COMMD9: variants seen among roughly 807,000 people sequenced by gnomAD.
COMMD9 encodes the protein COMM domain containing 9.
Under a neutral mutation model 23.4 loss-of-function variants are expected in COMMD9, and 22 were observed. The ratio of observed to expected loss-of-function variants is 0.94; its 90% CI spans 0.67 to 1.34. The LOEUF is 1.34. Ranked by LOEUF, COMMD9 falls within the 40% of genes most tolerant of loss-of-function variation. COMMD9 has a pLI of 0.00. For missense variants in COMMD9, 231 were observed against 240.2 expected, an observed-to-expected ratio of 0.96 and a Z score of 0.25; for synonymous variants, 99 against 97.4, an observed-to-expected ratio of 1.02 and a Z score of -0.10.
At position 36,275,722 on chromosome 11, in the gene COMMD9, G is replaced by A. The variant is rs143764317; in HGVS notation, c.456+415C>T. On this transcript the variant is annotated intron_variant, in intron 5 of 5. Transcript: ENST00000263401. ...CTCCCAAAGTGCTGGGATTACAGGC[G>A]TAAGCCACTGCTCCCAGCGACTAGT... is the stretch of plus-strand genomic sequence containing the variant. 1.5e-3 allele frequency among the ~76,000 whole-genome samples: 228 copies of A among 152,314 alleles called. 2 individuals carry two copies. Among genetic ancestry groups the A allele is most frequent in the African/African-American group, 5.0e-3 (208 of 41,574 alleles).
At chr11:36,277,005 C>T (rs2289986) in intron 4 of COMMD9, 84 bp downstream of exon 4, 727,688 of 1,272,086 alleles carry the variant, frequency 0.57, 211,630 homozygotes, top group African/African-American at 0.77. Flanking sequence ...TTGGTTTCTG[C>T]CAAAATCTCT....
chr11:36,288,849 T>C (rs2133439296), intron 1 of COMMD9, among the ~76,000 whole-genome samples: 1 of 152,284 alleles, frequency 6.6e-6, no homozygotes, highest in African/African-American at 2.4e-5. Context: ...ATGAAGTAGG[T>C]CCCTTTCAAC....
chr11:36,281,339 C>A (rs1379964370), intron 1 of COMMD9, among the ~76,000 whole-genome samples: 2 of 152,206 alleles, frequency 1.3e-5, no homozygotes, highest in Non-Finnish European at 2.9e-5. Context: ...ACTGCAGCCC[C>A]ACCCACCTCT....
chr11:36,274,805 CTGCCTCTTTTCCCATATCCCTGTAAG>C, intron 5 of COMMD9, 33 bp from the exon 6 acceptor site: 1 of 1,612,768 alleles, frequency 6.2e-7, no homozygotes, highest in Non-Finnish European at 8.5e-7. Flanking sequence ...AAAGTCAAAG[CTGCCTCTTTTCCCATATCCCTGTAAG>C]TGAGCCCTGA....
intron 3 of COMMD9, among the ~76,000 whole-genome samples, chr11:36,277,881 C>T (rs1272946706): frequency 6.6e-6 from 1 of 152,130 alleles, no homozygotes; most frequent in Non-Finnish European, 1.5e-5. Context: ...GAGAGGGGTA[C>T]ACTTGTATCC....
chr11:36,282,851 CTCAG>C (rs1402882826), intron 1 of COMMD9, among the ~76,000 whole-genome samples: 1 of 152,184 alleles, frequency 6.6e-6, no homozygotes, highest in African/African-American at 2.4e-5. Flanking sequence ...GGCAGCTTGG[CTCAG>C]TCAAAGTCTG....
intron 1 of COMMD9, among the ~76,000 whole-genome samples, chr11:36,283,706 G>T (rs1007428074): frequency 1.3e-5 from 2 of 152,126 alleles, no homozygotes; most frequent in Non-Finnish European, 2.9e-5. Context: ...TAGACTTAAC[G>T]CCCTAACATA....
intron 1 of COMMD9, among the ~76,000 whole-genome samples, chr11:36,283,101 A>G (rs74874664): frequency 0.071 from 10,804 of 152,252 alleles, 435 homozygotes; most frequent in South Asian, 0.1. Flanking sequence ...TCCCCAGCCA[A>G]TGGGATGGTA....
rs777955469 is a variant in COMMD9 at position 36,280,829 on chromosome 11, C to A, written c.60G>T (p.Ser20=). ...AALQSLLKAS[S]KDVVRQLCQE... ...GACACAGCTGTCTGACAACATCTTT[C>A]GAGGAGGCCTATGAATTAAATCACA... The change falls in exon 2 of 6, where the codon TCG becomes TCT. Residue 20 remains serine (S), a synonymous_variant. Coordinates refer to ENST00000263401, the MANE Select transcript of COMMD9 (RefSeq NM_014186.4). 33 of 1,576,008 alleles carry A rather than the reference C, an allele frequency of 2.1e-5. No homozygotes were observed. The highest frequency in any genetic ancestry group is 1.4e-5 in the Non-Finnish European group (16 of 1,161,320).
At chr11:36,286,514 C>T (rs557401639) in intron 1 of COMMD9, among the ~76,000 whole-genome samples, 154 of 151,480 alleles carry the variant, frequency 1.0e-3, no homozygotes, top group Non-Finnish European at 1.7e-3. Context: ...CATGAGAATC[C>T]CTTGAACCCA....
chr11:36,278,230 C>CAA lies in COMMD9; in HGVS notation c.317+245_317+246dup, dbSNP rs1230002905. The CAA allele has an allele frequency of 2.0e-5, 8 of 395,692 alleles. No homozygotes were observed. The East Asian group carries it at 4.4e-4, about 22-fold the overall frequency. The allele number at this position is 395,692 out of a possible 1,614,324, so 24.5% of individuals were successfully genotyped here. ...AACAGCATGATCCATTTTGTAAAAA[C>CAA]AAAAACAAAACATCAACCTCTTACA... On this transcript the variant is annotated intron_variant, in intron 3 of 5. Transcript: ENST00000263401.
chr11:36,274,247 T>C lies in COMMD9; in HGVS notation c.*385A>G, dbSNP rs1015225759. ...GTTCTGGGATTGGAAATGAACTAATTAGAGCTAATGTTGGAAATAAACTTA... is the reference window on the plus strand; with the variant it reads ...GTTCTGGGATTGGAAATGAACTAATCAGAGCTAATGTTGGAAATAAACTTA... On this transcript the variant is annotated 3_prime_UTR_variant, in exon 6 of 6. Coordinates refer to ENST00000263401, the MANE Select transcript of COMMD9 (RefSeq NM_014186.4). The C allele has an allele frequency of 2.1e-6, 1 of 466,422 alleles. No homozygotes were observed. The highest frequency in any genetic ancestry group is 4.3e-6 in the Non-Finnish European group (1 of 234,164). The allele number at this position is 466,422 out of a possible 1,614,324, so 28.9% of individuals were successfully genotyped here. A position where few individuals can be genotyped will look rare whatever the true frequency, so the allele number is the denominator to read the frequency against.
chr11:36,273,225 A>C lies in COMMD9; in HGVS notation c.*1407T>G, dbSNP rs1855907034. The C allele has an allele frequency of 6.6e-6, 1 of 152,082 alleles. No individual in the cohort carries two copies. Among genetic ancestry groups the C allele is most frequent in the African/African-American group, 2.4e-5 (1 of 41,384 alleles). 9.4% of individuals were successfully genotyped at this position (152,082 alleles called of 1,614,324 possible). A position where few individuals can be genotyped will look rare whatever the true frequency, so the allele number is the denominator to read the frequency against. On this transcript the variant is annotated 3_prime_UTR_variant, in exon 6 of 6. Coordinates refer to ENST00000263401, the MANE Select transcript of COMMD9 (RefSeq NM_014186.4). Reference sequence around the variant, plus strand: ...GCCTGACTCCTGACAGCATATTCTTAATCTGTGGATTTACCTCCTCCATTC... The same window carrying C: ...GCCTGACTCCTGACAGCATATTCTTCATCTGTGGATTTACCTCCTCCATTC...
rs1002669946 is a variant in COMMD9, at chr11:36,274,568, A to G, written c.*64T>C. 6.9e-6 allele frequency: 11 copies of G among 1,600,846 alleles called. No homozygotes were observed. The African/African-American group carries it at 1.5e-4, about 21-fold the overall frequency. Reference sequence around the variant, plus strand: ...CTGCAGCTGCAAGGGCAGCCTGCATATGGGGAGACATTTATCACTCATGAG... The same window carrying G: ...CTGCAGCTGCAAGGGCAGCCTGCATGTGGGGAGACATTTATCACTCATGAG... On this transcript the variant is annotated 3_prime_UTR_variant, in exon 6 of 6. Transcript: ENST00000263401.
chr11:36,279,564 A>G (rs969959560), intron 2 of COMMD9, among the ~76,000 whole-genome samples: 5 of 152,162 alleles, frequency 3.3e-5, no homozygotes, highest in Non-Finnish European at 7.3e-5. Context: ...AACAATTCTG[A>G]GAGGTGTTCT....
Position 36,278,529 on chromosome 11 carries a change from T to C in COMMD9, c.265A>G (p.Asn89Asp), listed in dbSNP as rs746080058. The C allele has an allele frequency of 3.1e-6, 5 of 1,614,048 alleles. No homozygotes were observed. The African/African-American group carries it at 4.0e-5, about 13-fold the overall frequency. The change falls in exon 3 of 6, where the codon AAT becomes GAT. Residue 89 changes from asparagine to aspartate, a missense_variant. Physicochemically the swap from Asn to Asp is conservative, Grantham distance 23 (BLOSUM62 1). Transcript: ENST00000263401. ...AGGTTTTTGAGGTTTTGGTGGAAAT[T>C]TTCTGGAAAGAGAGCCAGAATTGCC... ...AEAILALFPE[N>D]FHQNLKNLLT...
rs956416367 is a variant in COMMD9, at chr11:36,273,610, G to A, written c.*1022C>T. ...CATTCTCCTGCCTCAGCCTCCCGAGGAGCTGGGACTACAGATGCCCGCCAC... is the reference window on the plus strand; with the variant it reads ...CATTCTCCTGCCTCAGCCTCCCGAGAAGCTGGGACTACAGATGCCCGCCAC... On this transcript the variant is annotated 3_prime_UTR_variant, in exon 6 of 6. Coordinates refer to ENST00000263401, the MANE Select transcript of COMMD9 (RefSeq NM_014186.4). The A allele has an allele frequency of 6.6e-6, 1 of 152,248 alleles. No individual in the cohort carries two copies. The highest frequency in any genetic ancestry group is 1.5e-5 in the Non-Finnish European group (1 of 68,142). 9.4% of individuals were successfully genotyped at this position (152,248 alleles called of 1,614,324 possible).
chr11:36,278,541 G>C lies in COMMD9; in HGVS notation c.253C>G (p.Leu85Val). The change falls in exon 3 of 6, where the codon CTC becomes GTC. Residue 85 changes from leucine to valine, a missense_variant. Physicochemically the swap from Leu to Val is conservative, Grantham distance 32. Coordinates refer to ENST00000263401, the MANE Select transcript of COMMD9 (RefSeq NM_014186.4). ...DLSSAEAILA[L>V]FPENFHQNLK... ...TTTTGGTGGAAATTTTCTGGAAAGA[G>C]AGCCAGAATTGCCTCGGCAGAGGAC... The C allele has an allele frequency of 6.2e-7, 1 of 1,613,998 alleles. No homozygotes were observed. Among genetic ancestry groups the C allele is most frequent in the Non-Finnish European group, 8.5e-7 (1 of 1,179,818 alleles).
chr11:36,274,834 A>G, intron 5 of COMMD9, 62 bp from the exon 6 acceptor site: 2 of 1,597,230 alleles, frequency 1.3e-6, no homozygotes, highest in Non-Finnish European at 1.7e-6. Flanking sequence ...CCTGTAAGTG[A>G]GCCCTGAACC....
Sources: allele counts gnomAD v4.1 joint callset (sites outside exome capture counted in the v4.1 genomes callset), GRCh38; gene constraint gnomAD v4.1.1; transcripts MANE v1.5; gene names NCBI Gene and HGNC (gene_info 2026-07-23, HGNC 2026-07-21).